NRBF2: variants seen among roughly 807,000 people sequenced by gnomAD.
The protein encoded by NRBF2 is nuclear receptor-binding factor 2.
NRBF2 carries 12 observed loss-of-function variants against 28.5 expected under a neutral mutation model. That is an observed-to-expected ratio of 0.42 (90% CI 0.27 to 0.68). NRBF2 has a LOEUF of 0.68. Among genes scored for constraint, NRBF2 ranks in the 30% least tolerant of loss-of-function variants. The pLI is 0.24. For synonymous variants in NRBF2, 102 were observed against 116.5 expected, an observed-to-expected ratio of 0.88 and a Z score of 0.80; for missense variants, 274 against 333.5, an observed-to-expected ratio of 0.82 and a Z score of 1.39.
At chr10:63,138,281 CCA>C (rs1160567157) in intron 1 of NRBF2, among the ~76,000 whole-genome samples, 2 of 149,372 alleles carry the variant, frequency 1.3e-5, no homozygotes, top group Non-Finnish European at 3.0e-5. Flanking sequence ...CCCTTGCACT[CCA>C]GCCTGGGTGA....
intron 1 of NRBF2, among the ~76,000 whole-genome samples, chr10:63,143,786 T>G (rs902487183): frequency 7.1e-6 from 1 of 140,974 alleles, no homozygotes; most frequent in African/African-American, 2.7e-5. Context: ...AAGATCTCAC[T>G]CTGTTGCCCG....
chr10:63,152,244 G>A, intron 3 of NRBF2, 54 bp downstream of exon 3: 1 of 1,360,806 alleles, frequency 7.3e-7, no homozygotes, highest in Non-Finnish European at 1.0e-6. Flanking sequence ...TTCTTGTGGA[G>A]GCTTGAATTG....
chr10:63,149,156 T>G lies in NRBF2; in HGVS notation c.115+2863T>G, dbSNP rs796144458. 2.0e-5 allele frequency among the ~76,000 whole-genome samples: 3 copies of G among 152,238 alleles called. No homozygotes were observed. The South Asian group carries it at 6.2e-4, about 32-fold the overall frequency. On this transcript the variant is annotated intron_variant, in intron 2 of 3. Transcript: ENST00000277746. ...GTTTTTGTTTGAGACAGAGTCTTGCTCTGTTGCTCAGGGTGGAGTGCATGA... is the reference window on the plus strand; with the variant it reads ...GTTTTTGTTTGAGACAGAGTCTTGCGCTGTTGCTCAGGGTGGAGTGCATGA...
rs1477720663 is a variant in NRBF2 at position 63,152,239 on chromosome 10, G to T, written c.156+49G>T. The T allele has an allele frequency of 2.8e-6, 4 of 1,417,926 alleles. No individual in the cohort carries two copies. In the South Asian group the frequency reaches 3.5e-5, roughly 12 times the overall value. 87.8% of individuals were successfully genotyped at this position (1,417,926 alleles called of 1,614,324 possible). On this transcript the variant is annotated intron_variant, in intron 3 of 3. Coordinates refer to ENST00000277746, the MANE Select transcript of NRBF2 (RefSeq NM_030759.5). ...CGACAAGGGTTAGAAAGGTTTTCTT[G>T]TGGAGGCTTGAATTGTGTGTAAAGC... is the stretch of plus-strand genomic sequence containing the variant.
intron 1 of NRBF2, among the ~76,000 whole-genome samples, chr10:63,135,228 G>T (rs1841356682): frequency 6.6e-6 from 1 of 152,146 alleles, no homozygotes; most frequent in African/African-American, 2.4e-5. Context: ...TGTTTTTAAG[G>T]CGACATATAG....
intron 2 of NRBF2, among the ~76,000 whole-genome samples, chr10:63,148,099 G>A (rs891406673): frequency 6.6e-6 from 1 of 152,162 alleles, no homozygotes; most frequent in South Asian, 2.1e-4. Flanking sequence ...CATATGTTAA[G>A]TGGAGTGAAT....
chr10:63,150,252 G>T (rs56059529), intron 2 of NRBF2: 1 of 396,940 alleles, frequency 2.5e-6, no homozygotes, highest in African/African-American at 2.2e-5. Context: ...ACACCCGGCC[G>T]TCTTCACAGA....
At chr10:63,148,284 A>G (rs1841595231) in intron 2 of NRBF2, among the ~76,000 whole-genome samples, 1 of 152,234 alleles carries the variant, frequency 6.6e-6, no homozygotes. Context: ...CTTAAATTAT[A>G]GAGACAGAAC....
chr10:63,133,615 G>T, intron 1 of NRBF2, 115 bp downstream of exon 1: 2 of 794,142 alleles, frequency 2.5e-6, no homozygotes, highest in Non-Finnish European at 4.3e-6. Context: ...TGGCAGGAGT[G>T]GTCGCAGAGG....
In NRBF2 at chr10:63,144,101, A is replaced by G. The variant is rs558037138; in HGVS notation, c.31-2108A>G. Among the ~76,000 whole-genome samples the G allele has an allele frequency of 3.9e-5, 6 of 152,172 alleles. No individual in the cohort carries two copies. The East Asian group carries it at 1.2e-3, about 29-fold the overall frequency. On this transcript the variant is annotated intron_variant, in intron 1 of 3. Transcript: ENST00000277746. Reference sequence around the variant, plus strand: ...GTGATGTAAAAAACACGTGAAGTTTACCTTCTTAATTATTTTTAAGTGTAC... The same window carrying G: ...GTGATGTAAAAAACACGTGAAGTTTGCCTTCTTAATTATTTTTAAGTGTAC...
rs771189652 is a variant in NRBF2, at chr10:63,154,005, A to T, written c.651A>T (p.Val217=). 6.2e-7 allele frequency: 1 copy of T among 1,612,046 alleles called. No individual in the cohort carries two copies. The highest frequency in any genetic ancestry group is 1.1e-5 in the South Asian group (1 of 90,970). Residue 217 remains valine (V), a synonymous_variant, in exon 4 of 4, where the codon GTA becomes GTT. Transcript: ENST00000277746. ...GTCCAATAGAAAAGGAGCTGGATGTAGATGCTGATTTTGTAGAAACGTCAG... is the reference window on the plus strand; with the variant it reads ...GTCCAATAGAAAAGGAGCTGGATGTTGATGCTGATTTTGTAGAAACGTCAG... ...LKGPIEKELD[V]DADFVETSEL... is the part of the protein sequence containing the mutation.
chr10:63,152,271 T>C (rs1007709125), intron 3 of NRBF2, 81 bp downstream of exon 3: 13 of 1,037,304 alleles, frequency 1.3e-5, no homozygotes, highest in Admixed American at 3.9e-5. Context: ...AAGCAAAGCA[T>C]TGTGTCCCTC....
chr10:63,133,647 G>A, intron 1 of NRBF2, 147 bp downstream of exon 1: 1 of 667,066 alleles, frequency 1.5e-6, no homozygotes. Context: ...TGCTAGGCAG[G>A]CCCTGGCCCA....
In NRBF2 at chr10:63,154,380, A is replaced by C. The variant is rs146895315; in HGVS notation, c.*162A>C. 7 of 581,544 alleles carry C rather than the reference A, an allele frequency of 1.2e-5. No individual in the cohort carries two copies. The highest frequency in any genetic ancestry group is 1.8e-5 in the Non-Finnish European group (6 of 329,416). The allele number at this position is 581,544 out of a possible 1,614,324, so 36.0% of individuals were successfully genotyped here. On this transcript the variant is annotated 3_prime_UTR_variant, in exon 4 of 4. Coordinates refer to ENST00000277746, the MANE Select transcript of NRBF2 (RefSeq NM_030759.5). The stretch of plus-strand genomic sequence containing the variant: ...CATTGCCAGGACTTGGGAAACAGTC[A>C]CTGTGAAATGCGCTGCGTATCTCAT...
At position 63,154,458 on chromosome 10, in the gene NRBF2, T is replaced by C; in HGVS notation, c.*240T>C. 2.8e-6 allele frequency: 1 copy of C among 360,660 alleles called. No homozygotes were observed. Among genetic ancestry groups the C allele is most frequent in the South Asian group, 6.9e-5 (1 of 14,440 alleles). The allele number at this position is 360,660 out of a possible 1,614,324, so 22.3% of individuals were successfully genotyped here. A position where few individuals can be genotyped will look rare whatever the true frequency, so the allele number is the denominator to read the frequency against. On this transcript the variant is annotated 3_prime_UTR_variant, in exon 4 of 4. Coordinates refer to ENST00000277746, the MANE Select transcript of NRBF2 (RefSeq NM_030759.5). ...TTGGCAGACGCTAAACTCATGGAGG[T>C]TCGGTTTCTCCTGATACAAACCAAA...
chr10:63,135,016 G>A (rs570390998), intron 1 of NRBF2, among the ~76,000 whole-genome samples: 2 of 152,206 alleles, frequency 1.3e-5, no homozygotes, highest in East Asian at 1.9e-4. Flanking sequence ...GGCGAAACCC[G>A]GTCTCTACAA....
chr10:63,138,020 G>T (rs1035052084), intron 1 of NRBF2, among the ~76,000 whole-genome samples: 2 of 152,138 alleles, frequency 1.3e-5, no homozygotes, highest in Admixed American at 6.6e-5. Flanking sequence ...AGGGTAAGTG[G>T]TGATAGTAGG....
At chr10:63,149,830 C>T (rs1841617868) in intron 2 of NRBF2, among the ~76,000 whole-genome samples, 1 of 151,926 alleles carries the variant, frequency 6.6e-6, no homozygotes, top group African/African-American at 2.4e-5. Flanking sequence ...TTAAAGCAAA[C>T]TATAGTTCAA....
At chr10:63,134,882 C>G (rs1268915526) in intron 1 of NRBF2, among the ~76,000 whole-genome samples, 1 of 152,108 alleles carries the variant, frequency 6.6e-6, no homozygotes, top group Non-Finnish European at 1.5e-5. Flanking sequence ...ACTACATTTG[C>G]GAGTTTTTTT....
Sources: allele counts gnomAD v4.1 joint callset (sites outside exome capture counted in the v4.1 genomes callset), GRCh38; gene constraint gnomAD v4.1.1; transcripts MANE v1.5; gene names NCBI Gene and HGNC (gene_info 2026-07-23, HGNC 2026-07-21).